The following TEK variants were observed in gnomAD, a reference collection of about 807,000 sequenced individuals.
TEK encodes the protein angiopoietin-1 receptor.
In TEK, 43 loss-of-function variants were observed where a neutral mutation model predicts 131.8. The observed-to-expected ratio is 0.33, with a 90% CI of 0.26 to 0.42. The LOEUF is 0.42. Among genes scored for constraint, TEK ranks in the 10% least tolerant of loss-of-function variants. TEK has a pLI of 1.00. For missense variants in TEK, 1,162 were observed against 1,384.4 expected, an observed-to-expected ratio of 0.84 and a Z score of 2.55; for synonymous variants, 580 against 491.6, an observed-to-expected ratio of 1.18 and a Z score of -2.38.
chr9:27,137,731 C>T (rs71510419), intron 1 of TEK, among the ~76,000 whole-genome samples: 35,423 of 152,098 alleles, frequency 0.23, 4,682 homozygotes, highest in Admixed American at 0.3. Flanking sequence ...ATCCCAGAGG[C>T]TCACTATTGT....
intron 8 of TEK, 39 bp from the exon 9 acceptor site, chr9:27,185,446 C>G: frequency 6.2e-7 from 1 of 1,613,004 alleles, no homozygotes; most frequent in South Asian, 1.1e-5. Flanking sequence ...GTTTATGCCT[C>G]CCTAGAAGTT....
chr9:27,179,858 G>A (rs768765117), intron 6 of TEK, among the ~76,000 whole-genome samples: 1 of 152,128 alleles, frequency 6.6e-6, no homozygotes, highest in Non-Finnish European at 1.5e-5. Context: ...GCTTCCATAC[G>A]TGGTGTCAAC....
chr9:27,199,741 T>G (rs1215177978), intron 12 of TEK, among the ~76,000 whole-genome samples: 2 of 152,364 alleles, frequency 1.3e-5, no homozygotes, highest in Middle Eastern at 3.4e-3. Flanking sequence ...TCTTTCTTAC[T>G]GATTTGTAAA....
intron 1 of TEK, among the ~76,000 whole-genome samples, chr9:27,130,887 C>T (rs1466206851): frequency 6.6e-6 from 1 of 151,224 alleles, no homozygotes; most frequent in Non-Finnish European, 1.5e-5. Context: ...AAAAACAAAA[C>T]AAAACAAAAC....
chr9:27,174,428 G>A (rs149292066), intron 6 of TEK, among the ~76,000 whole-genome samples: 5 of 152,162 alleles, frequency 3.3e-5, no homozygotes, highest in African/African-American at 9.6e-5. Flanking sequence ...GGAGAAATAG[G>A]TGAAATAATT....
chr9:27,156,847 G>A (rs1029404834), intron 1 of TEK, among the ~76,000 whole-genome samples: 6 of 152,082 alleles, frequency 3.9e-5, no homozygotes, highest in Admixed American at 6.6e-5. Context: ...TCTCCTGATT[G>A]TTTTATGCAC....
chr9:27,214,285 A>G (rs1176258878), intron 18 of TEK, among the ~76,000 whole-genome samples: 1 of 152,218 alleles, frequency 6.6e-6, no homozygotes, highest in Admixed American at 6.5e-5. Context: ...AAATGTCACC[A>G]TCCTCTCTTT....
rs568787338 is a variant in TEK, at chr9:27,168,554, T to C, written c.424T>C (p.Ser142Pro). Residue 142 changes from serine to proline, a missense_variant, in exon 3 of 23, where the codon TCT becomes CCT. Ser to Pro is a moderately conservative substitution (Grantham distance 74). Transcript: ENST00000380036. ...GGACAAGGGAGATAACGTGAACATATCTTTCAAAAAGGTATTGATTAAAGA... is the reference window on the plus strand; with the variant it reads ...GGACAAGGGAGATAACGTGAACATACCTTTCAAAAAGGTATTGATTAAAGA... ...TVDKGDNVNI[S>P]FKKVLIKEED... 1 of 1,613,956 alleles carries C rather than the reference T, an allele frequency of 6.2e-7. No homozygotes were observed. Among genetic ancestry groups the C allele is most frequent in the Non-Finnish European group, 8.5e-7 (1 of 1,179,892 alleles).
chr9:27,217,994 T>C (rs550982), intron 19 of TEK, among the ~76,000 whole-genome samples: 1 of 151,932 alleles, frequency 6.6e-6, no homozygotes, highest in Non-Finnish European at 1.5e-5. Flanking sequence ...TGTGTATTCC[T>C]CATGTGCTTC....
At chr9:27,162,137 T>C (rs957241909) in intron 2 of TEK, among the ~76,000 whole-genome samples, 3 of 152,214 alleles carry the variant, frequency 2.0e-5, no homozygotes, top group Non-Finnish European at 4.4e-5. Flanking sequence ...GTGAAATCCT[T>C]TATGATGAAT....
intron 1 of TEK, among the ~76,000 whole-genome samples, chr9:27,136,566 G>T (rs1294584580): frequency 6.6e-6 from 1 of 152,158 alleles, no homozygotes; most frequent in Non-Finnish European, 1.5e-5. Context: ...CACAGGTACA[G>T]ATGGACATAC....
Position 27,223,209 on chromosome 9 carries a change from C to T in TEK, c.3200+3064C>T, listed in dbSNP as rs556043030. The stretch of plus-strand genomic sequence containing the variant: ...TTAACACCCCACTATCAATATTAGA[C>T]GGATCAACGAGACAGAAGATTAACA... On this transcript the variant is annotated intron_variant, in intron 21 of 22. Transcript: ENST00000380036. 5.7e-4 allele frequency among the ~76,000 whole-genome samples: 87 copies of T among 152,206 alleles called. 1 individual carries two copies. The highest frequency in any genetic ancestry group is 1.7e-3 in the African/African-American group (70 of 41,520).
chr9:27,176,710 A>G (rs1824184888), intron 6 of TEK, among the ~76,000 whole-genome samples: 1 of 152,232 alleles, frequency 6.6e-6, no homozygotes, highest in African/African-American at 2.4e-5. Context: ...AGAGCATTTA[A>G]AATTGCTCAG....
rs1192957419 is a variant in TEK at position 27,157,708 on chromosome 9, C to A, written c.53-123C>A. On this transcript the variant is annotated intron_variant, in intron 1 of 22. Coordinates refer to ENST00000380036, the MANE Select transcript of TEK (RefSeq NM_000459.5). Reference sequence around the variant, plus strand: ...GTCCAGTGGAAGATAGGCACATGGTCAGAATAGCATTTTAGAAAGAATCCT... The same window carrying A: ...GTCCAGTGGAAGATAGGCACATGGTAAGAATAGCATTTTAGAAAGAATCCT... The A allele has an allele frequency of 5.1e-6, 6 of 1,184,308 alleles. No homozygotes were observed. In the Admixed American group the frequency reaches 1.0e-4, roughly 21 times the overall value. 73.4% of individuals were successfully genotyped at this position (1,184,308 alleles called of 1,614,324 possible). A position where few individuals can be genotyped will look rare whatever the true frequency, so the allele number is the denominator to read the frequency against.
chr9:27,213,395 A>G lies in TEK; in HGVS notation c.2878-89A>G. 8 of 936,660 alleles carry G rather than the reference A, an allele frequency of 8.5e-6. 1 individual carries two copies. Among genetic ancestry groups the G allele is most frequent in the South Asian group, 2.7e-5 (2 of 73,374 alleles). 58.0% of individuals were successfully genotyped at this position (936,660 alleles called of 1,614,324 possible). A position where few individuals can be genotyped will look rare whatever the true frequency, so the allele number is the denominator to read the frequency against. On this transcript the variant is annotated intron_variant, in intron 17 of 22. Coordinates refer to ENST00000380036, the MANE Select transcript of TEK (RefSeq NM_000459.5). Reference sequence around the variant, plus strand: ...TTGTGACTGTTTAAAATCCTTTTTTATACTATTGTTTTCTTTCCTGTTCCC... The same window carrying G: ...TTGTGACTGTTTAAAATCCTTTTTTGTACTATTGTTTTCTTTCCTGTTCCC...
Position 27,157,602 on chromosome 9 carries a change from G to C in TEK, c.53-229G>C, listed in dbSNP as rs1823382371. Among the ~76,000 whole-genome samples the C allele has an allele frequency of 1.3e-5, 2 of 152,146 alleles. 1 individual carries two copies. The highest frequency in any genetic ancestry group is 4.1e-4 in the South Asian group (2 of 4,822). ...AATAATGGGTAGTCCATTGCAACTA[G>C]GGTATGCAGTGGGGCAGGAGAGGTT... On this transcript the variant is annotated intron_variant, in intron 1 of 22. Coordinates refer to ENST00000380036, the MANE Select transcript of TEK (RefSeq NM_000459.5).
chr9:27,213,645 C>G (rs202240676), intron 18 of TEK, 48 bp downstream of exon 18: 12 of 1,402,746 alleles, frequency 8.6e-6, no homozygotes, highest in Non-Finnish European at 1.2e-5. Flanking sequence ...GAGGTACTCC[C>G]CTGTCTCCTG....
intron 1 of TEK, among the ~76,000 whole-genome samples, chr9:27,125,634 C>G (rs1187006641): frequency 6.6e-6 from 1 of 152,210 alleles, no homozygotes; most frequent in Non-Finnish European, 1.5e-5. Flanking sequence ...TAAGTTGTTT[C>G]ACCTTTCTGT....
intron 1 of TEK, among the ~76,000 whole-genome samples, chr9:27,116,638 G>T (rs1381000717): frequency 1.3e-5 from 2 of 152,126 alleles, no homozygotes; most frequent in African/African-American, 4.8e-5. Flanking sequence ...TCAGAGGAAG[G>T]GGATTGGGCA....
Sources: gnomAD v4.1 joint callset for allele counts (sites outside exome capture counted in the v4.1 genomes callset) on GRCh38, gnomAD v4.1.1 for gene constraint, MANE v1.5 for transcripts, NCBI Gene and HGNC (gene_info 2026-07-23, HGNC 2026-07-21) for gene names.